PDS5A: variants seen among roughly 807,000 people sequenced by gnomAD.
The protein encoded by PDS5A is PDS5 cohesin associated factor A, also known as sister chromatid cohesion protein PDS5 homolog A.
Under a neutral mutation model 167.1 loss-of-function variants are expected in PDS5A, and 42 were observed. The observed-to-expected ratio is 0.25, with a 90% CI of 0.20 to 0.33. PDS5A has a LOEUF of 0.33. PDS5A is among the 10% of genes least tolerant of loss of function. The pLI is 1.00. For missense variants in PDS5A, 1,033 were observed against 1,605.9 expected, an observed-to-expected ratio of 0.64 and a Z score of 6.10; for synonymous variants, 553 against 554.6, an observed-to-expected ratio of 1.00 and a Z score of 0.04.
chr4:39,823,938 CTTGT>C lies in PDS5A; in HGVS notation c.*1543_*1546del, dbSNP rs1357152283. The C allele has an allele frequency of 3.3e-5, 5 of 152,266 alleles. No homozygotes were observed. Among genetic ancestry groups the C allele is most frequent in the African/African-American group, 9.6e-5 (4 of 41,458 alleles). 9.4% of individuals were successfully genotyped at this position (152,266 alleles called of 1,614,324 possible). ...AACAGAATCATCCACCTTTGATACA[CTTGT>C]TTGTTTTACATCCCATGTACACTAC... On this transcript the variant is annotated 3_prime_UTR_variant, in exon 33 of 33. Coordinates refer to ENST00000303538, the MANE Select transcript of PDS5A (RefSeq NM_001100399.2).
At chr4:39,943,634 A>C (rs1052667816) in intron 2 of PDS5A, among the ~76,000 whole-genome samples, 1 of 151,220 alleles carries the variant, frequency 6.6e-6, no homozygotes, top group Non-Finnish European at 1.5e-5. Context: ...AAAAAAAAAA[A>C]AAAAAATACA....
chr4:39,901,068 TTC>T (rs1421098552), intron 13 of PDS5A, among the ~76,000 whole-genome samples: 2 of 152,202 alleles, frequency 1.3e-5, no homozygotes, highest in African/African-American at 4.8e-5. Context: ...ACAGATTTTC[TTC>T]TCTCAGAAAT....
intron 6 of PDS5A, among the ~76,000 whole-genome samples, chr4:39,921,724 C>A (rs1277135083): frequency 6.6e-6 from 1 of 151,982 alleles, no homozygotes; most frequent in Non-Finnish European, 1.5e-5. Flanking sequence ...TGCACTCCAG[C>A]CTAGGTGACA....
intron 32 of PDS5A, among the ~76,000 whole-genome samples, chr4:39,831,073 C>T (rs748900718): frequency 6.6e-6 from 1 of 152,180 alleles, no homozygotes; most frequent in Non-Finnish European, 1.5e-5. Flanking sequence ...GGGGAGAATG[C>T]AGTACTTAGC....
chr4:39,917,037 G>A lies in PDS5A; in HGVS notation c.876+11C>T, dbSNP rs1222737897. On this transcript the variant is annotated intron_variant, in intron 8 of 32. Transcript: ENST00000303538. The stretch of plus-strand genomic sequence containing the variant: ...AATTAAAAAAAAAAAAAGAAAACTG[G>A]TCAATCTTACCTTTAGTTTGAATTC... 7.1e-7 allele frequency: 1 copy of A among 1,414,630 alleles called. No individual in the cohort carries two copies. Among genetic ancestry groups the A allele is most frequent in the Admixed American group, 3.5e-5 (1 of 28,710 alleles). The allele number at this position is 1,414,630 out of a possible 1,614,324, so 87.6% of individuals were successfully genotyped here. A position where few individuals can be genotyped will look rare whatever the true frequency, so the allele number is the denominator to read the frequency against.
At chr4:39,948,601 G>A (rs181729295) in intron 2 of PDS5A, among the ~76,000 whole-genome samples, 4 of 148,180 alleles carry the variant, frequency 2.7e-5, no homozygotes, top group East Asian at 2.0e-4. Flanking sequence ...GGGATTACAC[G>A]TGTGAGCTAC....
intron 2 of PDS5A, among the ~76,000 whole-genome samples, chr4:39,960,461 G>A (rs1441631309): frequency 1.3e-5 from 2 of 152,076 alleles, no homozygotes; most frequent in African/African-American, 4.8e-5. Context: ...TAATGTCAAA[G>A]ACCGAATGCC....
chr4:39,869,182 G>A (rs958960678), intron 22 of PDS5A, among the ~76,000 whole-genome samples: 5 of 152,116 alleles, frequency 3.3e-5, no homozygotes, highest in African/African-American at 1.2e-4. Flanking sequence ...AATTAAAAAA[G>A]GCTCCCAGCT....
At chr4:39,850,286 AAG>A (rs1464717552) in intron 26 of PDS5A, among the ~76,000 whole-genome samples, 110 of 151,568 alleles carry the variant, frequency 7.3e-4, no homozygotes, top group African/African-American at 2.6e-3. Context: ...AAAAAAAAAA[AAG>A]AAATTCGAGA....
Position 39,842,909 on chromosome 4 carries a change from TTATATATATATATA to T in PDS5A, c.3549-867_3549-854del, listed in dbSNP as rs71194933. Among the ~76,000 whole-genome samples, 76 of 92,314 alleles carry T rather than the reference TTATATATATATATA, an allele frequency of 8.2e-4. 3 individuals carry two copies. The highest frequency in any genetic ancestry group is 6.0e-3 in the Middle Eastern group (1 of 166). 60.6% of individuals were successfully genotyped at this position (92,314 alleles called of 152,430 possible). A position where few individuals can be genotyped will look rare whatever the true frequency, so the allele number is the denominator to read the frequency against. On this transcript the variant is annotated intron_variant, in intron 30 of 32. Coordinates refer to ENST00000303538, the MANE Select transcript of PDS5A (RefSeq NM_001100399.2). ...AGAACAATGTAAACTTATCCTATTT[TTATATATATATATA>T]TATATATATATATATTTTAAGAGAC...
chr4:39,959,742 G>A (rs1433440113), intron 2 of PDS5A, among the ~76,000 whole-genome samples: 2 of 152,022 alleles, frequency 1.3e-5, no homozygotes, highest in African/African-American at 4.8e-5. Context: ...ATCTCCTGAG[G>A]TCAGGAGTTT....
In PDS5A at chr4:39,833,987, C is replaced by A. The variant is rs1159975560; in HGVS notation, c.4010+3869G>T. The stretch of plus-strand genomic sequence containing the variant: ...GACAAGTACGATCAAGATCCTGAAG[C>A]ACTTATTCGAAGAACTGCAATAGGA... On this transcript the variant is annotated intron_variant, in intron 32 of 32. Coordinates refer to ENST00000303538, the MANE Select transcript of PDS5A (RefSeq NM_001100399.2). 2.6e-5 allele frequency among the ~76,000 whole-genome samples: 4 copies of A among 152,248 alleles called. No individual in the cohort carries two copies. In the East Asian group the frequency reaches 7.7e-4, roughly 29 times the overall value.
chr4:39,852,092 A>G lies in PDS5A; in HGVS notation c.3087-2440T>C, dbSNP rs187737980. On this transcript the variant is annotated intron_variant, in intron 26 of 32. Coordinates refer to ENST00000303538, the MANE Select transcript of PDS5A (RefSeq NM_001100399.2). ...TGGAAAAAAGTATGATTGTCTTGTG[A>G]TAAGAATGCCAATTCCACCTTAATT... 2.7e-4 allele frequency among the ~76,000 whole-genome samples: 41 copies of G among 152,346 alleles called. 1 individual carries two copies. In the East Asian group the frequency reaches 7.3e-3, roughly 27 times the overall value.
intron 2 of PDS5A, among the ~76,000 whole-genome samples, chr4:39,939,714 T>C (rs1312089836): frequency 6.6e-6 from 1 of 151,920 alleles, no homozygotes; most frequent in African/African-American, 2.4e-5. Flanking sequence ...GGAGAATCAC[T>C]TGAACCCAGG....
intron 23 of PDS5A, 127 bp downstream of exon 23, chr4:39,866,734 A>T: frequency 2.7e-6 from 2 of 728,638 alleles, no homozygotes; most frequent in Non-Finnish European, 4.4e-6. Flanking sequence ...CTAAATGAGT[A>T]CATAAGATCT....
At chr4:39,973,008 C>A in intron 2 of PDS5A, 1 of 508,540 alleles carries the variant, frequency 2.0e-6, no homozygotes, top group Non-Finnish European at 3.6e-6. Context: ...TTCAAAGTTT[C>A]CTTTCCTTTT....
At chr4:39,842,929 A>ATATATATATATATATATATATATATATC in intron 30 of PDS5A, among the ~76,000 whole-genome samples, 1 of 114,896 alleles carries the variant, frequency 8.7e-6, no homozygotes, top group Non-Finnish European at 1.9e-5. Context: ...ATATATATAT[A>ATATATATATATATATATATATATATATC]TATATATATT....
chr4:39,921,712 G>A (rs768424946), intron 6 of PDS5A, among the ~76,000 whole-genome samples: 1 of 151,562 alleles, frequency 6.6e-6, no homozygotes, highest in Admixed American at 6.6e-5. Context: ...AGATAGTGCC[G>A]CTGCACTCCA....
At chr4:39,914,251 T>C (rs1176492767) in intron 8 of PDS5A, among the ~76,000 whole-genome samples, 1 of 147,002 alleles carries the variant, frequency 6.8e-6, no homozygotes, top group African/African-American at 2.5e-5. Flanking sequence ...AACCTCTGCC[T>C]CCCGGGTTCA....
Sources: allele counts gnomAD v4.1 joint callset (sites outside exome capture counted in the v4.1 genomes callset), GRCh38; gene constraint gnomAD v4.1.1; transcripts MANE v1.5; gene names NCBI Gene and HGNC (gene_info 2026-07-23, HGNC 2026-07-21).